PBX4: variants seen among roughly 807,000 people sequenced by gnomAD.
PBX4 encodes pre-B-cell leukemia transcription factor 4.
In PBX4, 26 loss-of-function variants were observed where a neutral mutation model predicts 35.1. The observed-to-expected ratio is 0.74, with a 90% CI of 0.54 to 1.03. The LOEUF (loss-of-function observed/expected upper bound fraction) is 1.03, where lower values mean the gene tolerates loss of function less well. Among genes scored for constraint, PBX4 ranks in the 50% least tolerant of loss-of-function variants. PBX4 has a pLI of 0.00. For missense variants in PBX4, 448 were observed against 504.3 expected, an observed-to-expected ratio of 0.89 and a Z score of 1.07; for synonymous variants, 199 against 204.2, an observed-to-expected ratio of 0.97 and a Z score of 0.22.
At chr19:19,617,115 T>G (rs2061692742) in intron 1 of PBX4, among the ~76,000 whole-genome samples, 1 of 152,198 alleles carries the variant, frequency 6.6e-6, no homozygotes, top group Non-Finnish European at 1.5e-5. Context: ...GATGTTCTTC[T>G]CCACCTGGCT....
intron 2 of PBX4, among the ~76,000 whole-genome samples, chr19:19,586,792 G>A (rs570059871): frequency 6.6e-6 from 1 of 151,724 alleles, no homozygotes; most frequent in Non-Finnish European, 1.5e-5. Context: ...TTAGCCAGGC[G>A]TGGTGGCATG....
chr19:19,602,516 T>C (rs566051850), intron 1 of PBX4, among the ~76,000 whole-genome samples: 3 of 152,202 alleles, frequency 2.0e-5, no homozygotes, highest in Non-Finnish European at 4.4e-5. Context: ...GCAGTGGCCA[T>C]GCTGTGCCCG....
chr19:19,595,239 A>G (rs1455521709), intron 2 of PBX4, among the ~76,000 whole-genome samples: 2 of 152,148 alleles, frequency 1.3e-5, no homozygotes, highest in African/African-American at 4.8e-5. Context: ...GTGAAAAGTG[A>G]AAGGGACCAA....
intron 2 of PBX4, among the ~76,000 whole-genome samples, chr19:19,572,691 G>A (rs1037312922): frequency 6.7e-6 from 1 of 149,256 alleles, no homozygotes; most frequent in African/African-American, 2.5e-5. Flanking sequence ...GTGGAGAAAC[G>A]CCATCTCTAC....
intron 1 of PBX4, among the ~76,000 whole-genome samples, chr19:19,600,017 CT>C (rs557738507): frequency 1.1e-3 from 159 of 151,380 alleles, no homozygotes; most frequent in African/African-American, 3.7e-3. Flanking sequence ...TGTCATGCAC[CT>C]GTAATCCCAG....
chr19:19,588,118 G>A (rs891123638), intron 2 of PBX4: 15 of 1,025,252 alleles, frequency 1.5e-5, no homozygotes, highest in Admixed American at 3.6e-5. Context: ...TATTTTTTGC[G>A]TTCATAGAAG....
chr19:19,564,887 C>T (rs73004933), intron 6 of PBX4, 46 bp downstream of exon 6: 128,105 of 1,610,208 alleles, frequency 0.08, 5,336 homozygotes, highest in South Asian at 0.13. Flanking sequence ...GCTCAGTGGC[C>T]GTCCACATGG....
intron 1 of PBX4, chr19:19,606,566 T>C (rs1338319442): frequency 6.6e-6 from 1 of 152,050 alleles, no homozygotes; most frequent in East Asian, 1.9e-4. Context: ...TTTAAGCTGC[T>C]AGGCTTGCGG....
chr19:19,577,496 G>C (rs2061427194), intron 2 of PBX4, among the ~76,000 whole-genome samples: 1 of 152,192 alleles, frequency 6.6e-6, no homozygotes, highest in Non-Finnish European at 1.5e-5. Context: ...TCACCCTCGG[G>C]CCCTGTGGTG....
chr19:19,564,841 G>A, intron 6 of PBX4, 92 bp downstream of exon 6: 4 of 1,470,770 alleles, frequency 2.7e-6, no homozygotes, highest in Non-Finnish European at 3.8e-6. Context: ...ACTGGGGGAA[G>A]GGAGATGTGG....
At chr19:19,577,497 C>G (rs1190544288) in intron 2 of PBX4, among the ~76,000 whole-genome samples, 1 of 152,156 alleles carries the variant, frequency 6.6e-6, no homozygotes, top group Non-Finnish European at 1.5e-5. Flanking sequence ...CACCCTCGGG[C>G]CCTGTGGTGT....
intron 1 of PBX4, among the ~76,000 whole-genome samples, chr19:19,611,459 T>G (rs1387509589): frequency 4.0e-5 from 6 of 151,572 alleles, no homozygotes; most frequent in Admixed American, 3.9e-4. Context: ...GGCGGGCAGA[T>G]CATGAGGTCA....
intron 5 of PBX4, among the ~76,000 whole-genome samples, chr19:19,565,521 T>C (rs1477607309): frequency 6.6e-6 from 1 of 152,160 alleles, no homozygotes; most frequent in Non-Finnish European, 1.5e-5. Flanking sequence ...CCCAAACTTA[T>C]CAAATGAAAA....
At chr19:19,582,633 G>T (rs1334583703) in intron 2 of PBX4, among the ~76,000 whole-genome samples, 1 of 152,120 alleles carries the variant, frequency 6.6e-6, no homozygotes, top group Non-Finnish European at 1.5e-5. Context: ...CATGTGATCC[G>T]ATTTTTCCAG....
chr19:19,568,701 A>T (rs866749863), intron 5 of PBX4, among the ~76,000 whole-genome samples: 67 of 72,138 alleles, frequency 9.3e-4, no homozygotes, highest in Middle Eastern at 0.012. Flanking sequence ...TCTGTCTGTA[A>T]CCCTCAGGGA....
chr19:19,570,095 G>T lies in PBX4; in HGVS notation c.632+14C>A. 6.3e-7 allele frequency: 1 copy of T among 1,584,182 alleles called. No individual in the cohort carries two copies. The highest frequency in any genetic ancestry group is 8.6e-7 in the Non-Finnish European group (1 of 1,163,298). On this transcript the variant is annotated intron_variant, in intron 4 of 7. Coordinates refer to ENST00000251203, the MANE Select transcript of PBX4 (RefSeq NM_025245.3). ...AGCCGGCCCTTGAGGTTTTGGGTACGTACAGGCCCTGACCTGGCATCGAGC... is the reference window on the plus strand; with the variant it reads ...AGCCGGCCCTTGAGGTTTTGGGTACTTACAGGCCCTGACCTGGCATCGAGC...
chr19:19,601,916 A>G (rs1204912225), intron 1 of PBX4, among the ~76,000 whole-genome samples: 2 of 152,128 alleles, frequency 1.3e-5, no homozygotes, highest in African/African-American at 4.8e-5. Flanking sequence ...AGGCAGGCAG[A>G]TCGCTGGAGC....
At chr19:19,580,536 A>G (rs891165671) in intron 2 of PBX4, among the ~76,000 whole-genome samples, 2 of 152,120 alleles carry the variant, frequency 1.3e-5, no homozygotes, top group Admixed American at 6.6e-5. Flanking sequence ...TCAGAAGGAG[A>G]GCTCAACTTC....
chr19:19,609,646 C>CG (rs1202783481), intron 1 of PBX4, among the ~76,000 whole-genome samples: 1 of 150,526 alleles, frequency 6.6e-6, no homozygotes, highest in Non-Finnish European at 1.5e-5. Context: ...CTCAGGAGAT[C>CG]GAGACCATCC....
Sources: allele counts gnomAD v4.1 joint callset (sites outside exome capture counted in the v4.1 genomes callset), GRCh38; gene constraint gnomAD v4.1.1; transcripts MANE v1.5; gene names NCBI Gene and HGNC (gene_info 2026-07-23, HGNC 2026-07-21).